SLC25A21: variants seen among roughly 807,000 people sequenced by gnomAD.
SLC25A21 encodes solute carrier family 25 member 21.
A neutral mutation model predicts 43.8 loss-of-function variants in SLC25A21; 47 were observed. That is an observed-to-expected ratio of 1.07 (90% CI 0.85 to 1.37). The LOEUF (loss-of-function observed/expected upper bound fraction) is 1.37. Ranked by LOEUF, SLC25A21 falls within the 40% of genes most tolerant of loss-of-function variation. The pLI, the probability that SLC25A21 is intolerant of heterozygous loss-of-function variation, is 0.00. For synonymous variants in SLC25A21, 131 were observed against 121.3 expected (o/e 1.08, Z -0.52); for missense variants, 352 against 350.2 (o/e 1.00, Z -0.04).
chr14:36,919,596 T>C (rs1380545215), intron 1 of SLC25A21, among the ~76,000 whole-genome samples: 1 of 151,312 alleles, frequency 6.6e-6, no homozygotes, highest in Admixed American at 6.6e-5. Flanking sequence ...ATCTAAAGAC[T>C]TGAAAAATTC....
intron 2 of SLC25A21, among the ~76,000 whole-genome samples, chr14:36,831,278 C>A (rs565383468): frequency 3.9e-5 from 6 of 152,190 alleles, no homozygotes; most frequent in Admixed American, 3.3e-4. Context: ...AAGTATTTTT[C>A]CACTAAACAT....
intron 1 of SLC25A21, among the ~76,000 whole-genome samples, chr14:37,041,170 T>C (rs77617721): frequency 0.011 from 1,642 of 152,270 alleles, 24 homozygotes; most frequent in African/African-American, 0.038. Context: ...TATTTAATTT[T>C]ACTCCTTAAT....
At chr14:36,851,124 G>A (rs1889720892) in intron 2 of SLC25A21, among the ~76,000 whole-genome samples, 1 of 152,160 alleles carries the variant, frequency 6.6e-6, no homozygotes, top group African/African-American at 2.4e-5. Context: ...TTCAGATGCT[G>A]GAGTCACTAA....
At chr14:36,753,635 T>G (rs1308025149) in intron 3 of SLC25A21, among the ~76,000 whole-genome samples, 3 of 152,220 alleles carry the variant, frequency 2.0e-5, no homozygotes, top group Non-Finnish European at 2.9e-5. Context: ...GGGAAGTTAA[T>G]GCTTAGTAGT....
chr14:37,078,383 A>G (rs570066480), intron 1 of SLC25A21, among the ~76,000 whole-genome samples: 2 of 152,266 alleles, frequency 1.3e-5, no homozygotes, highest in Admixed American at 1.3e-4. Context: ...CCCACAGGGG[A>G]AAACAGAAAA....
At chr14:36,893,062 C>T (rs1440073476) in intron 1 of SLC25A21, among the ~76,000 whole-genome samples, 4 of 152,128 alleles carry the variant, frequency 2.6e-5, no homozygotes, top group African/African-American at 4.8e-5. Flanking sequence ...GGGTATATAA[C>T]CAGTAATGGG....
chr14:36,775,544 C>T (rs960056267), intron 3 of SLC25A21, among the ~76,000 whole-genome samples: 12 of 152,308 alleles, frequency 7.9e-5, no homozygotes, highest in African/African-American at 2.6e-4. Flanking sequence ...AGCACGGGGT[C>T]TTTCATTGCT....
intron 1 of SLC25A21, among the ~76,000 whole-genome samples, chr14:37,169,244 G>A (rs1964081192): frequency 6.6e-6 from 1 of 152,020 alleles, no homozygotes; most frequent in Admixed American, 6.6e-5. Flanking sequence ...CTATCTGACT[G>A]CATTTGGGCC....
intron 1 of SLC25A21, among the ~76,000 whole-genome samples, chr14:37,106,448 G>A (rs563265450): frequency 6.6e-6 from 1 of 152,102 alleles, no homozygotes; most frequent in Non-Finnish European, 1.5e-5. Context: ...ATACACCCTG[G>A]TCTCCTGCAG....
At chr14:36,991,907 G>A (rs1960271869) in intron 1 of SLC25A21, among the ~76,000 whole-genome samples, 1 of 152,126 alleles carries the variant, frequency 6.6e-6, no homozygotes, top group Non-Finnish European at 1.5e-5. Context: ...TTTACTCAGG[G>A]TATCTTAAAT....
At chr14:36,919,264 A>G (rs1279452485) in intron 1 of SLC25A21, among the ~76,000 whole-genome samples, 1 of 152,108 alleles carries the variant, frequency 6.6e-6, no homozygotes, top group Non-Finnish European at 1.5e-5. Flanking sequence ...AGAAATTATG[A>G]AATCGTATAT....
chr14:36,914,915 T>G (rs1471512022), intron 1 of SLC25A21, among the ~76,000 whole-genome samples: 1 of 152,078 alleles, frequency 6.6e-6, no homozygotes, highest in Admixed American at 6.6e-5. Context: ...CTGCAAAGAA[T>G]AGTAGAGACA....
At chr14:36,916,887 C>G (rs750081369) in intron 1 of SLC25A21, among the ~76,000 whole-genome samples, 9 of 152,066 alleles carry the variant, frequency 5.9e-5, no homozygotes, top group Non-Finnish European at 1.2e-4. Flanking sequence ...TAAATCTGCT[C>G]CTCTGTGTGC....
At chr14:36,910,842 T>C (rs1891668271) in intron 1 of SLC25A21, among the ~76,000 whole-genome samples, 1 of 152,238 alleles carries the variant, frequency 6.6e-6, no homozygotes, top group African/African-American at 2.4e-5. Flanking sequence ...AAGAGTTCTT[T>C]ACATTAATTC....
intron 2 of SLC25A21, among the ~76,000 whole-genome samples, chr14:36,826,800 A>G (rs1888849291): frequency 6.6e-6 from 1 of 152,166 alleles, no homozygotes; most frequent in African/African-American, 2.4e-5. Context: ...GAGGAGTCAT[A>G]CGGCCTCCAT....
At chr14:36,843,948 A>T (rs1467209237) in intron 2 of SLC25A21, among the ~76,000 whole-genome samples, 1 of 152,222 alleles carries the variant, frequency 6.6e-6, no homozygotes, top group Non-Finnish European at 1.5e-5. Flanking sequence ...ACCTGTTTGA[A>T]GAATGCAGAT....
chr14:37,116,019 T>C (rs1182508665), intron 1 of SLC25A21, among the ~76,000 whole-genome samples: 1 of 152,120 alleles, frequency 6.6e-6, no homozygotes, highest in African/African-American at 2.4e-5. Context: ...TATGTAAAAC[T>C]GAACTTGTCC....
intron 1 of SLC25A21, among the ~76,000 whole-genome samples, chr14:37,018,016 T>C (rs1351704896): frequency 1.3e-5 from 2 of 151,836 alleles, no homozygotes; most frequent in African/African-American, 4.8e-5. Flanking sequence ...TGCAATGATA[T>C]ACATAATAAT....
intron 1 of SLC25A21, among the ~76,000 whole-genome samples, chr14:36,909,568 G>T (rs1337824737): frequency 6.6e-6 from 1 of 152,098 alleles, no homozygotes; most frequent in South Asian, 2.1e-4. Context: ...ACATTTTTAG[G>T]ACACACTGAC....
Sources: gnomAD v4.1 joint callset for allele counts (sites outside exome capture counted in the v4.1 genomes callset) on GRCh38, gnomAD v4.1.1 for gene constraint, MANE v1.5 for transcripts, NCBI Gene and HGNC (gene_info 2026-07-23, HGNC 2026-07-21) for gene names.